The following TEX36 variants were observed in gnomAD, a reference collection of about 807,000 sequenced individuals.
TEX36 encodes the protein testis-expressed protein 36.
In TEX36, 12 loss-of-function variants were observed where a neutral mutation model predicts 13.6. The ratio of observed to expected loss-of-function variants is 0.88; its 90% CI spans 0.56 to 1.43. TEX36 has a LOEUF of 1.43. Among genes scored for constraint, TEX36 ranks in the 40% most tolerant of loss-of-function variants. TEX36 has a pLI of 0.00. For missense variants in TEX36, 224 were observed against 228.3 expected (o/e 0.98, Z 0.12); for synonymous variants, 93 against 83.0 (o/e 1.12, Z -0.65).
intron 1 of TEX36, among the ~76,000 whole-genome samples, chr10:125,668,450 C>A (rs1169728068): frequency 6.6e-6 from 1 of 151,940 alleles, no homozygotes; most frequent in Non-Finnish European, 1.5e-5. Flanking sequence ...AGTTTGTCAG[C>A]ATATAGTTGT....
chr10:125,679,655 G>A (rs1377030174), intron 1 of TEX36, among the ~76,000 whole-genome samples: 1 of 152,194 alleles, frequency 6.6e-6, no homozygotes, highest in Non-Finnish European at 1.5e-5. Context: ...GCCGATCCCG[G>A]CCAGGCAGGC....
At chr10:125,667,640 A>C in intron 1 of TEX36, 1 of 722,126 alleles carries the variant, frequency 1.4e-6, no homozygotes, top group South Asian at 1.5e-5. Context: ...GCTGCCCCCA[A>C]CACCACCCTT....
At position 125,661,715 on chromosome 10, in the gene TEX36, C is replaced by A. The variant is rs1017336241; in HGVS notation, c.183+131G>T. 3 of 1,239,970 alleles carry A rather than the reference C, an allele frequency of 2.4e-6. No individual in the cohort carries two copies. The African/African-American group carries it at 4.5e-5, about 19-fold the overall frequency. 76.8% of individuals were successfully genotyped at this position (1,239,970 alleles called of 1,614,324 possible). A position where few individuals can be genotyped will look rare whatever the true frequency, so the allele number is the denominator to read the frequency against. ...GGGTATGGGGTGGGGATACTACCAA[C>A]CCTTAGGGGTCCAAGGATAGTAAAT... On this transcript the variant is annotated intron_variant, in intron 2 of 3. Coordinates refer to ENST00000368821, the MANE Select transcript of TEX36 (RefSeq NM_001128202.3).
chr10:125,667,098 G>T, intron 1 of TEX36: 1 of 948,246 alleles, frequency 1.1e-6, no homozygotes, highest in East Asian at 2.7e-5. Flanking sequence ...TAATGGCGTT[G>T]AGGTTGATGG....
chr10:125,615,313 C>A (rs1846342560), intron 3 of TEX36, among the ~76,000 whole-genome samples: 2 of 152,090 alleles, frequency 1.3e-5, no homozygotes, highest in Admixed American at 6.6e-5. Flanking sequence ...GAACTTCCAA[C>A]ACTATGTTGA....
intron 1 of TEX36, among the ~76,000 whole-genome samples, chr10:125,666,640 G>T (rs1847126484): frequency 6.6e-6 from 1 of 152,130 alleles, no homozygotes; most frequent in East Asian, 1.9e-4. Context: ...GTTCATTGGG[G>T]ATACTGGCTG....
intron 3 of TEX36, among the ~76,000 whole-genome samples, chr10:125,610,947 C>A (rs1029066420): frequency 6.6e-6 from 1 of 152,142 alleles, no homozygotes; most frequent in African/African-American, 2.4e-5. Context: ...TAGTGTCACT[C>A]GAGTCATAGG....
chr10:125,670,637 G>A (rs747671492), intron 1 of TEX36, among the ~76,000 whole-genome samples: 58 of 152,234 alleles, frequency 3.8e-4, no homozygotes, highest in Non-Finnish European at 5.9e-4. Flanking sequence ...AATTGCTTTT[G>A]ACATTTTAAT....
In TEX36 at chr10:125,678,223, G is replaced by A. The variant is rs560524123; in HGVS notation, c.51+4716C>T. 9.8e-5 allele frequency among the ~76,000 whole-genome samples: 15 copies of A among 152,316 alleles called. No individual in the cohort carries two copies. In the East Asian group the frequency reaches 1.2e-3, roughly 12 times the overall value. On this transcript the variant is annotated intron_variant, in intron 1 of 3. Transcript: ENST00000368821. ...GTTTCCATGGTGTCAGTTGGATAGA[G>A]TACTTTGGCTTTGATTCTGCATGCA... is the stretch of plus-strand genomic sequence containing the variant.
At chr10:125,654,094 T>C (rs988876905), downstream of TEX36, among the ~76,000 whole-genome samples, 4 of 152,170 alleles carry the variant, frequency 2.6e-5, no homozygotes, top group African/African-American at 9.7e-5. Flanking sequence ...CATAAAAGAA[T>C]TATCACTTTT....
At position 125,626,507 on chromosome 10, in the gene TEX36, A is replaced by G. The variant is rs528652333; in HGVS notation, c.265-4862T>C. 1.3e-3 allele frequency among the ~76,000 whole-genome samples: 195 copies of G among 152,344 alleles called. 1 individual carries two copies. The highest frequency in any genetic ancestry group is 4.4e-3 in the African/African-American group (183 of 41,582). ...TTCATTTACTCCTCATCCAACAGAC[A>G]TCGTGAATGCTTGCTCCACACAGAA... On this transcript the variant is annotated intron_variant, in intron 3 of 3. Coordinates refer to the TEX36 transcript ENST00000526819.
intron 3 of TEX36, among the ~76,000 whole-genome samples, chr10:125,591,610 T>A (rs1384957556): frequency 6.6e-6 from 1 of 152,222 alleles, no homozygotes; most frequent in Non-Finnish European, 1.5e-5. Context: ...CTGCCATGGT[T>A]CTCTCTACAC....
intron 3 of TEX36, among the ~76,000 whole-genome samples, chr10:125,577,514 C>T (rs946819391): frequency 4.6e-5 from 7 of 151,936 alleles, no homozygotes; most frequent in African/African-American, 9.7e-5. Flanking sequence ...AAAGAACACA[C>T]ACAAAAAAAT....
downstream of TEX36, chr10:125,621,477 T>C (rs1476949281): frequency 2.6e-6 from 1 of 385,934 alleles, no homozygotes; most frequent in African/African-American, 2.1e-5. Flanking sequence ...TGGTGTGGTG[T>C]GTATCTTCCC....
At chr10:125,678,954 G>A (rs576980001) in intron 1 of TEX36, among the ~76,000 whole-genome samples, 30 of 152,254 alleles carry the variant, frequency 2.0e-4, no homozygotes, top group African/African-American at 6.7e-4. Flanking sequence ...CAGCTGAGAG[G>A]TGGTAGCAGC....
intron 3 of TEX36, among the ~76,000 whole-genome samples, chr10:125,589,464 A>G (rs935384631): frequency 3.3e-5 from 5 of 152,218 alleles, no homozygotes; most frequent in African/African-American, 1.2e-4. Flanking sequence ...TTTCAGTAAC[A>G]AGTGTGATAT....
chr10:125,681,388 A>G (rs752648974), intron 1 of TEX36, among the ~76,000 whole-genome samples: 11 of 152,254 alleles, frequency 7.2e-5, no homozygotes, highest in Non-Finnish European at 1.2e-4. Context: ...TGTAACTGAT[A>G]CATAGGTAAT....
At chr10:125,625,709 G>C (rs1396362183) in intron 3 of TEX36, among the ~76,000 whole-genome samples, 2 of 152,238 alleles carry the variant, frequency 1.3e-5, no homozygotes, top group Admixed American at 6.5e-5. Flanking sequence ...CTCTCACAGA[G>C]AGCAAGGAAC....
At chr10:125,616,922 G>A (rs1432907909), downstream of TEX36, among the ~76,000 whole-genome samples, 19 of 152,140 alleles carry the variant, frequency 1.2e-4, no homozygotes, top group African/African-American at 4.3e-4. Context: ...GGGAGTCTAA[G>A]TCTCTTTGTA....
Sources: gnomAD v4.1 joint callset for allele counts (sites outside exome capture counted in the v4.1 genomes callset) on GRCh38, gnomAD v4.1.1 for gene constraint, MANE v1.5 for transcripts, NCBI Gene and HGNC (gene_info 2026-07-23, HGNC 2026-07-21) for gene names.